CDCP1: variants seen among roughly 807,000 people sequenced by gnomAD.
CDCP1 encodes CUB domain-containing protein 1.
In CDCP1, 29 loss-of-function variants were observed where a neutral mutation model predicts 60.2. The observed-to-expected ratio is 0.48, with a 90% CI of 0.36 to 0.66. The LOEUF is 0.66. Ranked by LOEUF, CDCP1 falls within the 30% of genes least tolerant of loss-of-function variation. The probability of loss-of-function intolerance (pLI) is 0.00; values close to 1 mark genes in which losing one functional copy is unlikely to be tolerated. For synonymous variants in CDCP1, 387 were observed against 431.1 expected (o/e 0.90, Z 1.27); for missense variants, 876 against 1,074.3 (o/e 0.82, Z 2.58).
intron 5 of CDCP1, among the ~76,000 whole-genome samples, chr3:45,094,173 A>C (rs1698355556): frequency 6.6e-6 from 1 of 152,082 alleles, no homozygotes; most frequent in Non-Finnish European, 1.5e-5. Flanking sequence ...ACACATCAGA[A>C]GTCATGGTAG....
At chr3:45,126,111 T>TTTCTTTCC (rs1491243193) in intron 1 of CDCP1, among the ~76,000 whole-genome samples, 17,235 of 94,046 alleles carry the variant, frequency 0.18, 1,673 homozygotes, top group African/African-American at 0.2. Flanking sequence ...TCTCTCTCTC[T>TTTCTTTCC]TTCTTTCTTT....
chr3:45,134,249 T>C (rs1025850395), intron 1 of CDCP1, among the ~76,000 whole-genome samples: 5 of 152,068 alleles, frequency 3.3e-5, no homozygotes, highest in African/African-American at 1.2e-4. Flanking sequence ...CTCAGCCTCC[T>C]GAGTAGCTGA....
intron 1 of CDCP1, 118 bp downstream of exon 1, chr3:45,146,088 C>T: frequency 1.1e-6 from 1 of 927,542 alleles, no homozygotes; most frequent in South Asian, 1.8e-5. Flanking sequence ...TCCCCGCCCT[C>T]TCTCCGCACC....
intron 1 of CDCP1, among the ~76,000 whole-genome samples, chr3:45,127,752 C>T (rs1380817865): frequency 6.6e-6 from 1 of 152,190 alleles, no homozygotes; most frequent in Non-Finnish European, 1.5e-5. Flanking sequence ...CCACCTTATT[C>T]CCATGGCTGG....
rs904706335 is a variant in CDCP1 at position 45,110,715 on chromosome 3, C to G, written c.782G>C (p.Arg261Pro). The part of the protein sequence containing the change: ...TWQFVVPAHL[R>P]ASVSFLNFNL... Reference sequence around the variant, plus strand: ...GAAGTTGAGGAAGGAGACGCTGGCCCGCAGGTGTGCAGGAACGACAAACTG... The same window carrying G: ...GAAGTTGAGGAAGGAGACGCTGGCCGGCAGGTGTGCAGGAACGACAAACTG... Residue 261 changes from arginine to proline, a missense_variant, in exon 4 of 9, where the codon CGG becomes CCG. Arg to Pro is a moderately radical substitution (Grantham distance 103). Transcript: ENST00000296129. 1 of 1,614,030 alleles carries G rather than the reference C, an allele frequency of 6.2e-7. No individual in the cohort carries two copies. The highest frequency in any genetic ancestry group is 1.1e-5 in the South Asian group (1 of 91,080).
At chr3:45,101,602 A>C (rs1698485544) in intron 4 of CDCP1, among the ~76,000 whole-genome samples, 1 of 152,190 alleles carries the variant, frequency 6.6e-6, no homozygotes, top group African/African-American at 2.4e-5. Flanking sequence ...AAATGTGGTC[A>C]TGTGCTGGGT....
At chr3:45,109,031 C>G (rs1368183818) in intron 4 of CDCP1, among the ~76,000 whole-genome samples, 1 of 146,352 alleles carries the variant, frequency 6.8e-6, no homozygotes, top group Non-Finnish European at 1.5e-5. Flanking sequence ...TTCACTGCAA[C>G]CTCTGCCTTC....
chr3:45,132,767 A>G (rs1213802222), intron 1 of CDCP1, among the ~76,000 whole-genome samples: 1 of 152,192 alleles, frequency 6.6e-6, no homozygotes, highest in Non-Finnish European at 1.5e-5. Context: ...GCCCTCAAAG[A>G]GTGATTGATG....
intron 1 of CDCP1, among the ~76,000 whole-genome samples, chr3:45,120,888 C>G (rs563221624): frequency 1.6e-5 from 2 of 122,610 alleles, no homozygotes; most frequent in East Asian, 5.0e-4. Context: ...CCTTCCCTGA[C>G]CAGCCCACCT....
At position 45,146,377 on chromosome 3, in the gene CDCP1, C is replaced by T; in HGVS notation, c.-90G>A. 1.7e-6 allele frequency: 2 copies of T among 1,165,656 alleles called. No individual in the cohort carries two copies. The highest frequency in any genetic ancestry group is 2.3e-6 in the Non-Finnish European group (2 of 863,054). The allele number at this position is 1,165,656 out of a possible 1,614,324, so 72.2% of individuals were successfully genotyped here. A position where few individuals can be genotyped will look rare whatever the true frequency, so the allele number is the denominator to read the frequency against. ...AAGCCCGGCGCAGCTGCGCTCCGCC[C>T]TGGCTCACTCACCTGCGCGCGGGCG... is the stretch of plus-strand genomic sequence containing the variant. On this transcript the variant is annotated 5_prime_UTR_variant, in exon 1 of 9. Transcript: ENST00000296129.
rs533919286 is a variant in CDCP1 at position 45,094,655 on chromosome 3, A to G, written c.1246+692T>C. On this transcript the variant is annotated intron_variant, in intron 5 of 8. Transcript: ENST00000296129. ...CGAGTCAAAGTTCTTGACCTCAGGA[A>G]TCACAGTCTTGTGTGAGAGAAGACA... Among the ~76,000 whole-genome samples, 4 of 150,820 alleles carry G rather than the reference A, an allele frequency of 2.7e-5. No individual in the cohort carries two copies. In the East Asian group the frequency reaches 7.9e-4, roughly 30 times the overall value.
chr3:45,097,679 A>G (rs1698425221), intron 4 of CDCP1, among the ~76,000 whole-genome samples: 1 of 152,190 alleles, frequency 6.6e-6, no homozygotes, highest in Non-Finnish European at 1.5e-5. Flanking sequence ...CTTCTTCCTC[A>G]TAACAGGAAC....
intron 1 of CDCP1, among the ~76,000 whole-genome samples, chr3:45,136,637 A>G (rs1394359793): frequency 6.6e-6 from 1 of 152,216 alleles, no homozygotes; most frequent in South Asian, 2.1e-4. Flanking sequence ...TTTGGTCATC[A>G]ACTCCTCAGT....
chr3:45,116,662 A>G (rs947246691), intron 2 of CDCP1, among the ~76,000 whole-genome samples: 1 of 152,204 alleles, frequency 6.6e-6, no homozygotes, highest in Non-Finnish European at 1.5e-5. Context: ...CTGTCTCTAG[A>G]ATGGTTTGAA....
intron 1 of CDCP1, 74 bp downstream of exon 1, chr3:45,146,132 G>T (rs925041032): frequency 1.5e-6 from 2 of 1,320,306 alleles, no homozygotes; most frequent in African/African-American, 1.5e-5. Context: ...TCCCTCGGCC[G>T]CATCTCCGCC....
rs1383234164 is a variant in CDCP1, at chr3:45,086,032, A to G, written c.2117T>C (p.Ile706Thr). 1.2e-6 allele frequency: 2 copies of G among 1,614,156 alleles called. No individual in the cohort carries two copies. Among genetic ancestry groups the G allele is most frequent in the Non-Finnish European group, 1.7e-6 (2 of 1,180,028 alleles). ...CTCAGTATTGATGTTGTCATTGTAG[A>G]TACCCACAGCGGGGCCCTTGTTTGT... ...KKTNKGPAVG[I>T]YNDNINTEMP... Residue 706 changes from isoleucine (I) to threonine (T), a missense_variant, in exon 9 of 9, where the codon ATC becomes ACC. Ile to Thr is a moderately conservative substitution (Grantham distance 89, BLOSUM62 -1). This residue lies in a region of CDCP1 where 726 missense variants were observed against 935.7 expected (regional missense o/e 0.78). Transcript: ENST00000296129.
At chr3:45,144,945 G>A (rs1699353866) in intron 1 of CDCP1, among the ~76,000 whole-genome samples, 1 of 151,962 alleles carries the variant, frequency 6.6e-6, no homozygotes, top group Non-Finnish European at 1.5e-5. Flanking sequence ...AGGAGCTCGA[G>A]ACCAGCCTGG....
chr3:45,110,184 C>T, intron 4 of CDCP1: 1 of 1,264,212 alleles, frequency 7.9e-7, no homozygotes, highest in Non-Finnish European at 1.0e-6. Flanking sequence ...AGGGTCAAGA[C>T]ATAAGATCTA....
At chr3:45,101,729 A>C (rs1329332266) in intron 4 of CDCP1, among the ~76,000 whole-genome samples, 1 of 152,054 alleles carries the variant, frequency 6.6e-6, no homozygotes, top group African/African-American at 2.4e-5. Context: ...TCTACTAAAA[A>C]TACAAAATTA....
Sources: gnomAD v4.1 joint callset for allele counts (sites outside exome capture counted in the v4.1 genomes callset) on GRCh38, gnomAD v4.1.1 for gene constraint, gnomAD v4.1.1 regional missense constraint, MANE v1.5 for transcripts, NCBI Gene and HGNC (gene_info 2026-07-23, HGNC 2026-07-21) for gene names.